The following DACH2 variants were observed in gnomAD, a reference collection of about 807,000 sequenced individuals.
DACH2 encodes the protein dachshund family transcription factor 2, also known as dachshund homolog 2.
DACH2 carries 17 observed loss-of-function variants against 35.8 expected under a neutral mutation model. That is an observed-to-expected ratio of 0.48 (90% confidence interval 0.33 to 0.71). The LOEUF (loss-of-function observed/expected upper bound fraction) is 0.71, where lower values mean the gene tolerates loss of function less well. Among genes scored for constraint, DACH2 ranks in the 30% least tolerant of loss-of-function variants. The pLI, the probability that DACH2 is intolerant of heterozygous loss-of-function variation, is 0.02. For missense variants in DACH2, 469 were observed against 472.7 expected, an observed-to-expected ratio of 0.99 and a Z score of 0.07; for synonymous variants, 195 against 177.3, an observed-to-expected ratio of 1.10 and a Z score of -0.79.
intron 1 of DACH2, among the ~76,000 whole-genome samples, chrX:86,159,545 A>G (rs1172455283): frequency 8.9e-6 from 1 of 112,211 alleles, no homozygotes; most frequent in Non-Finnish European, 1.9e-5. Flanking sequence ...TGCAAAGCAT[A>G]CAATCTTTAG....
At chrX:86,489,756 T>A (rs1008197963) in intron 2 of DACH2, among the ~76,000 whole-genome samples, 1 of 111,893 alleles carries the variant, frequency 8.9e-6, no homozygotes, top group African/African-American at 3.2e-5. Context: ...TAATATATCC[T>A]CATACATTAT....
chrX:86,465,961 A>T lies in DACH2; in HGVS notation c.528-48318A>T, dbSNP rs758296669. On this transcript the variant is annotated intron_variant, in intron 2 of 11. Coordinates refer to ENST00000373125, the MANE Select transcript of DACH2 (RefSeq NM_053281.3). Reference sequence around the variant, plus strand: ...GCAAACCTAACATTGTGGGTGAGATAAGTAGTGGGCTACATGTATGAATTT... The same window carrying T: ...GCAAACCTAACATTGTGGGTGAGATTAGTAGTGGGCTACATGTATGAATTT... Among the ~76,000 whole-genome samples, 4 of 111,835 alleles carry T rather than the reference A, an allele frequency of 3.6e-5. No individual in the cohort carries two copies. The South Asian group carries it at 1.5e-3, about 42-fold the overall frequency.
chrX:86,748,852 T>G (rs1444374588), intron 7 of DACH2, among the ~76,000 whole-genome samples: 1 of 111,664 alleles, frequency 9.0e-6, no homozygotes, highest in Non-Finnish European at 1.9e-5. Context: ...GTGTTTTGTC[T>G]ACACTGAAAC....
At chrX:86,243,032 T>A (rs1253026295) in intron 1 of DACH2, among the ~76,000 whole-genome samples, 1 of 111,745 alleles carries the variant, frequency 8.9e-6, no homozygotes, top group East Asian at 2.8e-4. Flanking sequence ...AGTGTGAGAA[T>A]GGACTAATAT....
chrX:86,157,138 A>G (rs1229733208), intron 1 of DACH2, among the ~76,000 whole-genome samples: 1 of 111,609 alleles, frequency 9.0e-6, no homozygotes, highest in Non-Finnish European at 1.9e-5. Context: ...TACTGGAAAA[A>G]GTATATGGTA....
rs1168667516 is a variant in DACH2, at chrX:86,514,296, C to T, written c.545C>T (p.Pro182Leu). ...TTCAACAGTTCAAGACCCGGCAGGC[C>T]CCCTAAGCGTTCTTTGGGAGTGTTG... ...QAVNSSRPGRPPKRSLGVLQE... is the reference protein window; with the variant it reads ...QAVNSSRPGRLPKRSLGVLQE... Residue 182 changes from proline to leucine, a missense_variant, in exon 3 of 12, where the codon CCC becomes CTC. Coordinates refer to ENST00000373125, the MANE Select transcript of DACH2 (RefSeq NM_053281.3). 8.3e-7 allele frequency: 1 copy of T among 1,208,743 alleles called. No homozygotes were observed. Among genetic ancestry groups the T allele is most frequent in the African/African-American group, 1.8e-5 (1 of 57,096 alleles).
intron 2 of DACH2, among the ~76,000 whole-genome samples, chrX:86,383,585 A>C (rs2036078775): frequency 1.0e-5 from 1 of 99,215 alleles, no homozygotes; most frequent in African/African-American, 3.7e-5. Context: ...TTTGCCAAGG[A>C]CGGCATCTAG....
intron 1 of DACH2, among the ~76,000 whole-genome samples, chrX:86,208,903 A>G (rs1465370076): frequency 3.6e-5 from 4 of 111,427 alleles, no homozygotes; most frequent in Non-Finnish European, 5.7e-5. Flanking sequence ...TCCTTCTACT[A>G]TTGCTTTAGG....
chrX:86,423,007 T>C (rs1190349189), intron 2 of DACH2, among the ~76,000 whole-genome samples: 3 of 111,830 alleles, frequency 2.7e-5, no homozygotes, highest in Non-Finnish European at 3.8e-5. Flanking sequence ...GATCTCATTC[T>C]TTTTATGGCT....
At chrX:86,827,479 G>C (rs2042573050) in intron 11 of DACH2, among the ~76,000 whole-genome samples, 1 of 111,395 alleles carries the variant, frequency 9.0e-6, no homozygotes, top group Admixed American at 9.6e-5. Flanking sequence ...ATCACCCCTA[G>C]AGAATAAGAT....
intron 3 of DACH2, among the ~76,000 whole-genome samples, chrX:86,618,990 T>A (rs1199694177): frequency 1.8e-5 from 2 of 112,208 alleles, no homozygotes; most frequent in East Asian, 5.6e-4. Context: ...CAAAATCTCA[T>A]GTATTTTCTC....
chrX:86,608,577 C>G (rs1044707171), intron 3 of DACH2, among the ~76,000 whole-genome samples: 114 of 111,843 alleles, frequency 1.0e-3, no homozygotes, highest in African/African-American at 3.6e-3. Flanking sequence ...TCCTTAATAT[C>G]TATTTTCTTT....
chrX:86,253,804 G>A (rs1239133220), intron 1 of DACH2, among the ~76,000 whole-genome samples: 3 of 112,021 alleles, frequency 2.7e-5, no homozygotes, highest in African/African-American at 9.7e-5. Context: ...ACATCTATAA[G>A]ACCCTATAAG....
rs577996625 is a variant in DACH2 at position 86,640,195 on chromosome X, G to A, written c.641-10841G>A. Among the ~76,000 whole-genome samples, 34 of 110,822 alleles carry A rather than the reference G, an allele frequency of 3.1e-4. 1 individual carries two copies. The South Asian group carries it at 0.013, about 42-fold the overall frequency. ...CAGCCTGTGCTTCCAGCCACCCCCC[G>A]CCAGAGCTGTTGAGCCAGTACAAAC... On this transcript the variant is annotated intron_variant, in intron 3 of 11. Coordinates refer to ENST00000373125, the MANE Select transcript of DACH2 (RefSeq NM_053281.3).
intron 5 of DACH2, among the ~76,000 whole-genome samples, chrX:86,703,284 C>T (rs1226611044): frequency 1.8e-5 from 2 of 110,772 alleles, no homozygotes; most frequent in Non-Finnish European, 3.8e-5. Context: ...TTATAAAAGC[C>T]ATATATGACA....
chrX:86,586,264 G>GT (rs1374824113), intron 3 of DACH2, among the ~76,000 whole-genome samples: 2 of 111,014 alleles, frequency 1.8e-5, no homozygotes, highest in Admixed American at 1.9e-4. Context: ...GGGGTTGTTT[G>GT]TTTTTTACTT....
chrX:86,466,432 AC>A (rs1157435372), intron 2 of DACH2, among the ~76,000 whole-genome samples: 1 of 110,206 alleles, frequency 9.1e-6, no homozygotes, highest in East Asian at 2.9e-4. Context: ...TTGGGTGGGG[AC>A]ACAGAGCCAA....
At chrX:86,666,059 C>T (rs906272942) in intron 4 of DACH2, among the ~76,000 whole-genome samples, 1 of 111,034 alleles carries the variant, frequency 9.0e-6, no homozygotes, top group African/African-American at 3.3e-5. Flanking sequence ...GGCAAAATAA[C>T]AATAAGTGAA....
At chrX:86,569,354 G>T (rs750203959) in intron 3 of DACH2, among the ~76,000 whole-genome samples, 1 of 111,340 alleles carries the variant, frequency 9.0e-6, no homozygotes, top group Non-Finnish European at 1.9e-5. Context: ...TGTGACAAAG[G>T]TGTAATTAGA....
Sources: allele counts gnomAD v4.1 joint callset (sites outside exome capture counted in the v4.1 genomes callset), GRCh38; gene constraint gnomAD v4.1.1; transcripts MANE v1.5; gene names NCBI Gene and HGNC (gene_info 2026-07-23, HGNC 2026-07-21).